The following APAF1 variants were observed in gnomAD, a reference collection of about 807,000 sequenced individuals.
APAF1 encodes apoptotic peptidase activating factor 1, also known as apoptotic protease-activating factor 1.
A neutral mutation model predicts 152.4 loss-of-function variants in APAF1; 91 were observed. The ratio of observed to expected loss-of-function variants is 0.60; its 90% CI spans 0.50 to 0.71. The LOEUF (loss-of-function observed/expected upper bound fraction) is 0.71, where lower values mean the gene tolerates loss of function less well. APAF1 is among the 30% of genes least tolerant of loss of function. The probability of loss-of-function intolerance (pLI) is 0.00; values close to 1 mark genes in which losing one functional copy is unlikely to be tolerated. For synonymous variants in APAF1, 484 were observed against 494.1 expected (o/e 0.98, Z 0.27); for missense variants, 1,283 against 1,472.0 (o/e 0.87, Z 2.10).
intron 5 of APAF1, among the ~76,000 whole-genome samples, chr12:98,662,104 A>C (rs1442400190): frequency 6.6e-6 from 1 of 150,830 alleles, no homozygotes; most frequent in African/African-American, 2.4e-5. Context: ...TTGGTGCTTA[A>C]AGACTGAGTT....
At position 98,666,546 on chromosome 12, in the gene APAF1, T is replaced by C. The variant is rs2097672977; in HGVS notation, c.1362+189T>C. 2.6e-5 allele frequency among the ~76,000 whole-genome samples: 4 copies of C among 152,210 alleles called. No homozygotes were observed. The South Asian group carries it at 8.3e-4, about 32-fold the overall frequency. On this transcript the variant is annotated intron_variant, in intron 9 of 26. Coordinates refer to ENST00000551964, the MANE Select transcript of APAF1 (RefSeq NM_181861.2). ...GAAAATTAACATTGATACAATACTGTTCACTAACCTACGTGTTCTTTTTGT... is the reference window on the plus strand; with the variant it reads ...GAAAATTAACATTGATACAATACTGCTCACTAACCTACGTGTTCTTTTTGT...
chr12:98,658,494 C>A (rs1324423656), intron 4 of APAF1, among the ~76,000 whole-genome samples: 1 of 152,124 alleles, frequency 6.6e-6, no homozygotes, highest in Non-Finnish European at 1.5e-5. Context: ...GGCTAGACAG[C>A]CTTATTTCAG....
chr12:98,715,474 C>T lies in APAF1; in HGVS notation c.3006C>T (p.His1002=), dbSNP rs1400252505. 6.2e-7 allele frequency: 1 copy of T among 1,613,312 alleles called. No individual in the cohort carries two copies. Among genetic ancestry groups the T allele is most frequent in the Non-Finnish European group, 8.5e-7 (1 of 1,179,628 alleles). The change falls in exon 22 of 27, where the codon CAC becomes CAT. Residue 1002 remains histidine (H), a synonymous_variant. Coordinates refer to ENST00000551964, the MANE Select transcript of APAF1 (RefSeq NM_181861.2). Reference sequence around the variant, plus strand: ...GAATCTTCCAGTCCAGGTTTCAGCACAAGAAAACTGTATGGCACATCCAGT... The same window carrying T: ...GAATCTTCCAGTCCAGGTTTCAGCATAAGAAAACTGTATGGCACATCCAGT... ...NNRIFQSRFQ[H]KKTVWHIQFT... is the part of the protein sequence containing the mutation.
intron 13 of APAF1, among the ~76,000 whole-genome samples, chr12:98,679,811 C>A: frequency 6.6e-6 from 1 of 152,380 alleles, no homozygotes; most frequent in Non-Finnish European, 1.5e-5. Context: ...CTGCCTGCCC[C>A]GCTGCAGCAG....
Position 98,705,675 on chromosome 12 carries a change from G to T in APAF1, c.2596-810G>T, listed in dbSNP as rs145582430. On this transcript the variant is annotated intron_variant, in intron 18 of 26. Transcript: ENST00000551964. ...CAGCAGAACCCAGGATAAAATACCA[G>T]GCTGCTGGTAGACATGGTAATAAGC... Among the ~76,000 whole-genome samples, 14 of 152,298 alleles carry T rather than the reference G, an allele frequency of 9.2e-5. No homozygotes were observed. The East Asian group carries it at 2.5e-3, about 27-fold the overall frequency.
At chr12:98,662,830 A>G (rs1206399991) in intron 7 of APAF1, 24 bp downstream of exon 7, 1 of 1,591,132 alleles carries the variant, frequency 6.3e-7, no homozygotes, top group African/African-American at 1.3e-5. Flanking sequence ...TTTGTTTATG[A>G]GGAGATTATA....
intron 16 of APAF1, among the ~76,000 whole-genome samples, 176 bp downstream of exon 16, chr12:98,687,049 G>T (rs1040998220): frequency 6.6e-6 from 1 of 152,162 alleles, no homozygotes; most frequent in Admixed American, 6.5e-5. Flanking sequence ...TTTATGAATG[G>T]TGTACAACCT....
At chr12:98,723,519 C>T (rs1204406030) in intron 23 of APAF1, 120 bp from the exon 24 acceptor site, 26 of 1,049,634 alleles carry the variant, frequency 2.5e-5, no homozygotes, top group Non-Finnish European at 3.4e-5. Context: ...GTAAAGGGGT[C>T]AGAACAGCCA....
At chr12:98,681,277 G>A (rs992303777) in intron 14 of APAF1, among the ~76,000 whole-genome samples, 25 of 151,936 alleles carry the variant, frequency 1.6e-4, no homozygotes, top group African/African-American at 5.8e-4. Context: ...GGTCAGGCTG[G>A]TATTGAACTT....
chr12:98,663,994 G>GT (rs1373449893), intron 7 of APAF1, among the ~76,000 whole-genome samples: 2 of 149,578 alleles, frequency 1.3e-5, no homozygotes, highest in African/African-American at 2.5e-5. Flanking sequence ...TAGACACACA[G>GT]TTTTGTTTGT....
intron 21 of APAF1, 69 bp from the exon 22 acceptor site, chr12:98,715,357 TA>T: frequency 6.7e-7 from 1 of 1,500,646 alleles, no homozygotes; most frequent in Middle Eastern, 1.8e-4. Flanking sequence ...TTTAGTTTAA[TA>T]TCTTTGGGGT....
rs2097638849 is a variant in APAF1 at position 98,645,590 on chromosome 12, C to T, written c.-287C>T. 2 of 152,344 alleles carry T rather than the reference C, an allele frequency of 1.3e-5. No homozygotes were observed. Among genetic ancestry groups the T allele is most frequent in the South Asian group, 2.1e-4 (1 of 4,836 alleles). 9.4% of individuals were successfully genotyped at this position (152,344 alleles called of 1,614,324 possible). A position where few individuals can be genotyped will look rare whatever the true frequency, so the allele number is the denominator to read the frequency against. Reference sequence around the variant, plus strand: ...GGGGTCAGGCTGCGTTGGGTGGACGCCCACCTCGCCAACCTTCGGAGGTCC... The same window carrying T: ...GGGGTCAGGCTGCGTTGGGTGGACGTCCACCTCGCCAACCTTCGGAGGTCC... On this transcript the variant is annotated 5_prime_UTR_variant, in exon 1 of 27. Coordinates refer to ENST00000551964, the MANE Select transcript of APAF1 (RefSeq NM_181861.2).
intron 20 of APAF1, 130 bp from the exon 21 acceptor site, chr12:98,712,189 T>G: frequency 1.4e-6 from 1 of 698,850 alleles, no homozygotes; most frequent in South Asian, 1.5e-5. Context: ...ATATGGCTTG[T>G]TGTTCCCCTG....
chr12:98,707,242 G>T (rs1453367175), intron 19 of APAF1, among the ~76,000 whole-genome samples: 1 of 152,106 alleles, frequency 6.6e-6, no homozygotes, highest in Non-Finnish European at 1.5e-5. Flanking sequence ...CTGTCTCCCA[G>T]TTTATTCCTA....
chr12:98,653,700 A>ATC (rs1428938605), intron 4 of APAF1, among the ~76,000 whole-genome samples: 7 of 103,892 alleles, frequency 6.7e-5, no homozygotes, highest in African/African-American at 2.5e-4. Context: ...AAATATATAT[A>ATC]TATATATATA....
intron 14 of APAF1, among the ~76,000 whole-genome samples, chr12:98,682,447 G>T (rs998173468): frequency 6.6e-6 from 1 of 152,232 alleles, no homozygotes; most frequent in Admixed American, 6.5e-5. Context: ...GCTACAGCTT[G>T]CAGGGTTAAG....
chr12:98,688,703 C>T (rs2097700790), intron 16 of APAF1, among the ~76,000 whole-genome samples: 1 of 150,734 alleles, frequency 6.6e-6, no homozygotes, highest in Non-Finnish European at 1.5e-5. Flanking sequence ...GTCTCCAGCT[C>T]CTGGGCTCAA....
chr12:98,721,483 AGAAAT>A, intron 22 of APAF1, among the ~76,000 whole-genome samples: 1 of 152,338 alleles, frequency 6.6e-6, no homozygotes, highest in East Asian at 1.9e-4. Context: ...GTTTCCTAGT[AGAAAT>A]GGAATAAGGT....
rs1350455238 is a variant in APAF1, at chr12:98,723,377, C to T, written c.3204+65C>T. 29 of 1,535,604 alleles carry T rather than the reference C, an allele frequency of 1.9e-5. No individual in the cohort carries two copies. In the East Asian group the frequency reaches 3.4e-4, roughly 18 times the overall value. On this transcript the variant is annotated intron_variant, in intron 23 of 26. Transcript: ENST00000551964. ...TCATATTGCAATGATTATATTGAGACAGTCAAAAGCCACTGTGAGGCTAAT... is the reference window on the plus strand; with the variant it reads ...TCATATTGCAATGATTATATTGAGATAGTCAAAAGCCACTGTGAGGCTAAT...
Sources: allele counts gnomAD v4.1 joint callset (sites outside exome capture counted in the v4.1 genomes callset), GRCh38; gene constraint gnomAD v4.1.1; transcripts MANE v1.5; gene names NCBI Gene and HGNC (gene_info 2026-07-23, HGNC 2026-07-21).